Variants in RHOT1 observed in about 807,000 individuals in gnomAD.
The protein encoded by RHOT1 is ras homolog family member T1.
In RHOT1, 27 loss-of-function variants were observed where a neutral mutation model predicts 95.3. The ratio of observed to expected loss-of-function variants is 0.28; its 90% CI spans 0.21 to 0.39. RHOT1 has a LOEUF of 0.39. RHOT1 is among the 10% of genes least tolerant of loss of function. RHOT1 has a pLI of 1.00. For synonymous variants in RHOT1, 227 were observed against 263.5 expected, an observed-to-expected ratio of 0.86 and a Z score of 1.34; for missense variants, 578 against 786.7, an observed-to-expected ratio of 0.73 and a Z score of 3.17.
At chr17:32,200,587 T>G (rs2037238820) in intron 13 of RHOT1, among the ~76,000 whole-genome samples, 1 of 151,960 alleles carries the variant, frequency 6.6e-6, no homozygotes, top group African/African-American at 2.4e-5. Flanking sequence ...GGCGAAACCC[T>G]GTCTCTACTA....
chr17:32,211,938 C>T (rs1167648355), intron 19 of RHOT1, among the ~76,000 whole-genome samples: 1 of 152,092 alleles, frequency 6.6e-6, no homozygotes, highest in Non-Finnish European at 1.5e-5. Flanking sequence ...CATATATTCC[C>T]TCAAAGCAAT....
intron 1 of RHOT1, among the ~76,000 whole-genome samples, chr17:32,143,645 T>G (rs1171086698): frequency 6.6e-6 from 1 of 152,224 alleles, no homozygotes; most frequent in Non-Finnish European, 1.5e-5. Flanking sequence ...CTCTGTTCAC[T>G]GACATGAGGA....
At position 32,212,841 on chromosome 17, in the gene RHOT1, C is replaced by T. The variant is rs966722913; in HGVS notation, c.1862+1603C>T. ...ATTTTCTCTTCTCCAGGTAGAACAT[C>T]CCCATTTCTTTCAGCCTTTTCTTAA... On this transcript the variant is annotated intron_variant, in intron 19 of 19. Transcript: ENST00000545287. 2.4e-4 allele frequency among the ~76,000 whole-genome samples: 36 copies of T among 152,106 alleles called. 1 individual carries two copies. The highest frequency in any genetic ancestry group is 1.0e-3 in the Admixed American group (16 of 15,258).
At chr17:32,152,599 A>C (rs2032446109) in intron 1 of RHOT1, among the ~76,000 whole-genome samples, 1 of 152,004 alleles carries the variant, frequency 6.6e-6, no homozygotes, top group Non-Finnish European at 1.5e-5. Context: ...CTGAAAAAAA[A>C]AAGAGAGAGA....
intron 19 of RHOT1, among the ~76,000 whole-genome samples, chr17:32,223,093 T>A (rs1485528242): frequency 6.6e-6 from 1 of 152,096 alleles, no homozygotes; most frequent in Non-Finnish European, 1.5e-5. Flanking sequence ...TTTTTTTAAA[T>A]AGAAACTGGT....
chr17:32,150,472 T>A, intron 1 of RHOT1: 1 of 969,696 alleles, frequency 1.0e-6, no homozygotes, highest in Non-Finnish European at 1.5e-6. Flanking sequence ...TTTCTGGAAT[T>A]CCAGGCTGTC....
At chr17:32,203,526 T>TA (rs1201369844) in intron 15 of RHOT1, among the ~76,000 whole-genome samples, 1 of 152,128 alleles carries the variant, frequency 6.6e-6, no homozygotes, top group Admixed American at 6.6e-5. Flanking sequence ...GTGCTGGGAT[T>TA]ACAGGCATGT....
At chr17:32,161,901 A>G (rs2033595600) in intron 1 of RHOT1, among the ~76,000 whole-genome samples, 1 of 152,176 alleles carries the variant, frequency 6.6e-6, no homozygotes, top group Non-Finnish European at 1.5e-5. Context: ...CAAATGAACA[A>G]CCAGATTGAA....
intron 1 of RHOT1, 54 bp downstream of exon 1, chr17:32,142,783 AGCCCCTGTC>A (rs532691914): frequency 2.2e-4 from 320 of 1,432,876 alleles, no homozygotes; most frequent in African/African-American, 9.4e-4. Flanking sequence ...CTGCCCCTGC[AGCCCCTGTC>A]GCCCCTGTCG....
intron 1 of RHOT1, among the ~76,000 whole-genome samples, chr17:32,143,484 T>C (rs1052730469): frequency 2.6e-5 from 4 of 152,226 alleles, no homozygotes; most frequent in African/African-American, 9.6e-5. Flanking sequence ...CCCTAAAGCG[T>C]AATCTTTGCC....
In RHOT1 at chr17:32,191,892, T is replaced by C. The variant is rs192124292; in HGVS notation, c.541-309T>C. Among the ~76,000 whole-genome samples the C allele has an allele frequency of 1.2e-4, 19 of 152,288 alleles. No individual in the cohort carries two copies. The East Asian group carries it at 3.7e-3, about 29-fold the overall frequency. On this transcript the variant is annotated intron_variant, in intron 8 of 19. Coordinates refer to ENST00000545287, the MANE Select transcript of RHOT1 (RefSeq NM_001033566.3). ...ATCCTCTATGGAATGAGGGAAGATA[T>C]AAATAAATAAACAGTTCTTCTTTCT...
intron 9 of RHOT1, among the ~76,000 whole-genome samples, chr17:32,192,609 T>C (rs1430678629): frequency 6.6e-6 from 1 of 151,926 alleles, no homozygotes; most frequent in Non-Finnish European, 1.5e-5. Flanking sequence ...CCCTGTGTTT[T>C]AGAAACAGGA....
chr17:32,173,805 T>C, intron 2 of RHOT1, 26 bp from the exon 3 acceptor site: 2 of 1,496,352 alleles, frequency 1.3e-6, no homozygotes, highest in Non-Finnish European at 1.8e-6. Context: ...GTGTTTTTTT[T>C]TTTCTATATT....
At position 32,193,225 on chromosome 17, in the gene RHOT1, C is replaced by A. The variant is rs762606283; in HGVS notation, c.729C>A (p.Asp243Glu). The A allele has an allele frequency of 4.3e-6, 7 of 1,611,640 alleles. No individual in the cohort carries two copies. Among genetic ancestry groups the A allele is most frequent in the African/African-American group, 2.7e-5 (2 of 74,850 alleles). ...AACATATAAGTGATGGTGTGGCTGA[C>A]AGTGGGTTGACCCTGAAAGGTGGGT... Reference protein sequence around the residue: ...VRKHISDGVADSGLTLKGFLF... With the variant: ...VRKHISDGVAESGLTLKGFLF... Residue 243 changes from aspartate (D) to glutamate (E), a missense_variant, in exon 10 of 20, where the codon GAC becomes GAA. By Grantham distance (45) the Asp-to-Glu change is conservative. Transcript: ENST00000545287.
chr17:32,210,333 G>T (rs115167638), intron 18 of RHOT1, among the ~76,000 whole-genome samples: 41 of 152,272 alleles, frequency 2.7e-4, no homozygotes, highest in African/African-American at 9.4e-4. Flanking sequence ...GAAATGGGTT[G>T]CCCCCTGTGC....
In RHOT1 at chr17:32,202,758, T is replaced by C. The variant is rs2037416491; in HGVS notation, c.1202-12T>C. 1 of 1,554,142 alleles carries C rather than the reference T, an allele frequency of 6.4e-7. No homozygotes were observed. Among genetic ancestry groups the C allele is most frequent in the Non-Finnish European group, 8.7e-7 (1 of 1,144,880 alleles). On this transcript the variant is annotated splice_polypyrimidine_tract_variant and intron_variant, in intron 14 of 19. Transcript: ENST00000545287. ...CATATTTAGTGGGGTTTTTTATTAT[T>C]ATTATTTTTAGTGACAAGAGATAAA...
chr17:32,208,363 C>T, intron 18 of RHOT1, 54 bp downstream of exon 18: 1 of 1,428,688 alleles, frequency 7.0e-7, no homozygotes, highest in Non-Finnish European at 9.9e-7. Context: ...CATTGCATGC[C>T]ATTATTAGCC....
chr17:32,144,528 C>G (rs1170459497), intron 1 of RHOT1, among the ~76,000 whole-genome samples: 2 of 151,832 alleles, frequency 1.3e-5, no homozygotes, highest in Non-Finnish European at 2.9e-5. Context: ...CAGAGCAAGA[C>G]TCTGTCTGAA....
intron 1 of RHOT1, among the ~76,000 whole-genome samples, chr17:32,147,140 G>A (rs1425861023): frequency 1.3e-5 from 2 of 150,802 alleles, no homozygotes; most frequent in Non-Finnish European, 3.0e-5. Flanking sequence ...AGCCTCTCAG[G>A]TTCAAGCGAT....
Sources: gnomAD v4.1 joint callset for allele counts (sites outside exome capture counted in the v4.1 genomes callset) on GRCh38, gnomAD v4.1.1 for gene constraint, MANE v1.5 for transcripts, NCBI Gene and HGNC (gene_info 2026-07-23, HGNC 2026-07-21) for gene names.